ERBB4: variants seen among roughly 807,000 people sequenced by gnomAD.
The protein encoded by ERBB4 is erb-b2 receptor tyrosine kinase 4.
ERBB4 carries 42 observed loss-of-function variants against 158.0 expected under a neutral mutation model. The observed-to-expected ratio is 0.27, with a 90% CI of 0.21 to 0.34. The LOEUF is 0.34. ERBB4 is among the 10% of genes least tolerant of loss of function. The pLI, the probability that ERBB4 is intolerant of heterozygous loss-of-function variation, is 1.00. For missense variants in ERBB4, 1,333 were observed against 1,624.1 expected (o/e 0.82, Z 3.08); for synonymous variants, 583 against 558.7 (o/e 1.04, Z -0.61).
At chr2:211,835,067 T>C (rs2077310624) in intron 3 of ERBB4, among the ~76,000 whole-genome samples, 1 of 152,158 alleles carries the variant, frequency 6.6e-6, no homozygotes, top group Admixed American at 6.6e-5. Flanking sequence ...ATATTTTTCC[T>C]TAATATTTTT....
intron 3 of ERBB4, among the ~76,000 whole-genome samples, chr2:211,828,524 G>A (rs1044549359): frequency 1.3e-5 from 2 of 152,028 alleles, no homozygotes; most frequent in African/African-American, 2.4e-5. Flanking sequence ...ATTTAATCAG[G>A]TGAACAACAA....
At chr2:211,825,868 C>A (rs990743837) in intron 3 of ERBB4, among the ~76,000 whole-genome samples, 5 of 145,994 alleles carry the variant, frequency 3.4e-5, no homozygotes, top group African/African-American at 1.2e-4. Context: ...TTATATTAAT[C>A]TACAATATAG....
intron 1 of ERBB4, among the ~76,000 whole-genome samples, chr2:212,460,505 G>T (rs1173665040): frequency 6.6e-6 from 1 of 152,148 alleles, no homozygotes; most frequent in African/African-American, 2.4e-5. Context: ...AACTTCTTGG[G>T]AACTGGAGCC....
rs34029473 is a variant in ERBB4 at position 212,146,986 on chromosome 2, C to CTTTTT, written c.83-22088_83-22084dup. ...GAGAAGCTCTGTTGTCATTGTTAGA[C>CTTTTT]TTTTTTTTTTTTTTTTTTTTTTGAG... is the stretch of plus-strand genomic sequence containing the variant. On this transcript the variant is annotated intron_variant, in intron 1 of 27. Transcript: ENST00000342788. Among the ~76,000 whole-genome samples, 238 of 77,428 alleles carry CTTTTT rather than the reference C, an allele frequency of 3.1e-3. 8 individuals are homozygous for CTTTTT. Among genetic ancestry groups the CTTTTT allele is most frequent in the Non-Finnish European group, 3.9e-3 (173 of 43,996 alleles). 50.8% of individuals were successfully genotyped at this position (77,428 alleles called of 152,430 possible).
intron 2 of ERBB4, among the ~76,000 whole-genome samples, chr2:212,025,288 AC>A (rs1394683151): frequency 6.6e-6 from 1 of 151,770 alleles, no homozygotes; most frequent in African/African-American, 2.4e-5. Context: ...TATGATAGTC[AC>A]CCTATTTGCA....
chr2:212,375,077 T>C (rs2090275303), intron 1 of ERBB4, among the ~76,000 whole-genome samples: 1 of 151,960 alleles, frequency 6.6e-6, no homozygotes, highest in African/African-American at 2.4e-5. Flanking sequence ...TATGAATCAA[T>C]TATTAACTTA....
intron 1 of ERBB4, among the ~76,000 whole-genome samples, chr2:212,365,056 T>TA (rs2089835195): frequency 6.6e-6 from 1 of 151,586 alleles, no homozygotes; most frequent in Non-Finnish European, 1.5e-5. Flanking sequence ...AAAATATTTA[T>TA]AAAAATTTCT....
intron 26 of ERBB4, among the ~76,000 whole-genome samples, chr2:211,387,600 G>T (rs1442666682): frequency 6.6e-6 from 1 of 152,014 alleles, no homozygotes; most frequent in Non-Finnish European, 1.5e-5. Context: ...TGAATTTGAG[G>T]CTCTAGTACC....
rs571742297 is a variant in ERBB4 at position 211,577,231 on chromosome 2, A to T, written c.2302-15143T>A. On this transcript the variant is annotated intron_variant, in intron 19 of 27. Transcript: ENST00000342788. ...GAATACAAATAGATCAGCTTCAGTG[A>T]AGCATATGGTACATGACAGAACACA... 2.6e-5 allele frequency among the ~76,000 whole-genome samples: 4 copies of T among 152,312 alleles called. No homozygotes were observed. In the East Asian group the frequency reaches 7.7e-4, roughly 29 times the overall value.
chr2:212,519,320 T>A (rs1474702706), intron 1 of ERBB4, among the ~76,000 whole-genome samples: 1 of 152,078 alleles, frequency 6.6e-6, no homozygotes, highest in Non-Finnish European at 1.5e-5. Flanking sequence ...ACAGGTTTTA[T>A]GTAATATAAA....
chr2:212,173,699 G>T (rs939223), intron 1 of ERBB4, among the ~76,000 whole-genome samples: 91,937 of 151,902 alleles, frequency 0.61, 28,924 homozygotes, highest in African/African-American at 0.67. Flanking sequence ...TGATCTTATT[G>T]TGACTGACAT....
chr2:212,021,855 G>A (rs887719511), intron 2 of ERBB4, among the ~76,000 whole-genome samples: 1 of 151,834 alleles, frequency 6.6e-6, no homozygotes, highest in Admixed American at 6.6e-5. Flanking sequence ...TTAAAAACTG[G>A]GCAAAGTACA....
At chr2:212,193,548 C>T (rs2082337370) in intron 1 of ERBB4, among the ~76,000 whole-genome samples, 1 of 151,716 alleles carries the variant, frequency 6.6e-6, no homozygotes, top group Admixed American at 6.6e-5. Flanking sequence ...GCACATTTTA[C>T]TAGTACATTA....
At chr2:212,369,133 G>A (rs999571185) in intron 1 of ERBB4, among the ~76,000 whole-genome samples, 6 of 152,166 alleles carry the variant, frequency 3.9e-5, no homozygotes, top group African/African-American at 1.4e-4. Context: ...TCTCTACACT[G>A]TTTAAAATTC....
Position 212,186,622 on chromosome 2 carries a change from G to A in ERBB4, c.83-61719C>T, listed in dbSNP as rs150395300. Among the ~76,000 whole-genome samples the A allele has an allele frequency of 1.3e-4, 20 of 152,180 alleles. No individual in the cohort carries two copies. In the East Asian group the frequency reaches 3.9e-3, roughly 29 times the overall value. On this transcript the variant is annotated intron_variant, in intron 1 of 27. Coordinates refer to ENST00000342788, the MANE Select transcript of ERBB4 (RefSeq NM_005235.3). ...TCAAACTATGTTCCTGTTCCTAAAC[G>A]TCTTCAATAAGTCTTCTTTTCTCTG...
At chr2:211,539,604 T>C (rs1574704417) in intron 20 of ERBB4, among the ~76,000 whole-genome samples, 1 of 152,000 alleles carries the variant, frequency 6.6e-6, no homozygotes, top group East Asian at 1.9e-4. Flanking sequence ...CTTTCTGCCT[T>C]CTATAATATT....
intron 2 of ERBB4, among the ~76,000 whole-genome samples, chr2:211,950,954 G>C (rs1295909305): frequency 6.6e-6 from 1 of 152,098 alleles, no homozygotes; most frequent in African/African-American, 2.4e-5. Flanking sequence ...CTCTTAAAGA[G>C]AGATTATACA....
At chr2:211,903,369 GA>G (rs1433790917) in intron 3 of ERBB4, among the ~76,000 whole-genome samples, 1 of 151,934 alleles carries the variant, frequency 6.6e-6, no homozygotes, top group Non-Finnish European at 1.5e-5. Context: ...TTAATCCCTG[GA>G]AAATGATTTT....
chr2:212,514,593 T>C (rs981260946), intron 1 of ERBB4, among the ~76,000 whole-genome samples: 2 of 151,884 alleles, frequency 1.3e-5, no homozygotes, highest in African/African-American at 2.4e-5. Flanking sequence ...GATCACGAGG[T>C]CAAGAGATCA....
Sources: gnomAD v4.1 joint callset for allele counts (sites outside exome capture counted in the v4.1 genomes callset) on GRCh38, gnomAD v4.1.1 for gene constraint, MANE v1.5 for transcripts, NCBI Gene and HGNC (gene_info 2026-07-23, HGNC 2026-07-21) for gene names.